Variants in ADGRG2 observed in about 807,000 individuals in gnomAD.
ADGRG2 encodes adhesion G protein-coupled receptor G2.
A neutral mutation model predicts 74.1 loss-of-function variants in ADGRG2; 26 were observed. The ratio of observed to expected loss-of-function variants is 0.35; its 90% CI spans 0.26 to 0.49. ADGRG2 has a LOEUF of 0.49. ADGRG2 is among the 20% of genes least tolerant of loss of function. The pLI, the probability that ADGRG2 is intolerant of heterozygous loss-of-function variation, is 0.99. For missense variants in ADGRG2, 619 were observed against 763.1 expected, an observed-to-expected ratio of 0.81 and a Z score of 2.22; for synonymous variants, 296 against 295.2, an observed-to-expected ratio of 1.00 and a Z score of -0.03.
rs2060092075 is a variant in ADGRG2 at position 18,999,977 on chromosome X, A to G, written c.2231-17T>C. ...CTGGTACCCCTGGAAGATGGGAAAC[A>G]TTGGTCACACCTAATTTTTTTTTTT... On this transcript the variant is annotated splice_polypyrimidine_tract_variant and intron_variant, in intron 24 of 28. Transcript: ENST00000379869. 3.4e-6 allele frequency: 3 copies of G among 894,647 alleles called. No individual in the cohort carries two copies. The highest frequency in any genetic ancestry group is 3.2e-6 in the Non-Finnish European group (2 of 619,735). 73.7% of individuals were successfully genotyped at this position (894,647 alleles called of 1,213,427 possible). A position where few individuals can be genotyped will look rare whatever the true frequency, so the allele number is the denominator to read the frequency against.
rs1437321895 is a variant in ADGRG2, at chrX:19,067,052, A to G, written c.118+1665T>C. 2.7e-5 allele frequency among the ~76,000 whole-genome samples: 3 copies of G among 112,095 alleles called. No individual in the cohort carries two copies. In the East Asian group the frequency reaches 8.5e-4, roughly 32 times the overall value. On this transcript the variant is annotated intron_variant, in intron 3 of 28. Transcript: ENST00000379869. ...AAAATAGGGTCTGGAGGCAGGGAAC[A>G]TAAGGCCGATTCACACTTCAGCTAT...
intron 1 of ADGRG2, among the ~76,000 whole-genome samples, chrX:19,093,455 G>A (rs1378849632): frequency 8.9e-6 from 1 of 111,825 alleles, no homozygotes; most frequent in East Asian, 2.8e-4. Context: ...CCTATGCGTG[G>A]ATGAACAGTG....
intron 26 of ADGRG2, 114 bp downstream of exon 26, chrX:18,998,882 G>T: frequency 1.8e-6 from 1 of 567,849 alleles, no homozygotes; most frequent in Non-Finnish European, 2.9e-6. Context: ...CTTTATTGTA[G>T]TGGTCTAGAA....
At chrX:19,071,019 C>T (rs1447170967) in intron 2 of ADGRG2, among the ~76,000 whole-genome samples, 2 of 111,170 alleles carry the variant, frequency 1.8e-5, no homozygotes, top group African/African-American at 3.3e-5. Context: ...TATTTTGCAC[C>T]TAGTATGTGC....
At position 18,991,024 on chromosome X, in the gene ADGRG2, C is replaced by G; in HGVS notation, c.2894G>C (p.Gly965Ala). Residue 965 changes from glycine (G) to alanine (A), a missense_variant, in exon 29 of 29, where the codon GGG becomes GCG. Gly to Ala is a moderately conservative substitution (Grantham distance 60). Around this residue, in one of 3 missense-constraint regions of ADGRG2, gnomAD observed 106 missense variants for 104.5 expected, o/e 1.01. Transcript: ENST00000379869. ...TCCATTCTGAACACTAAAAGAGACCCCATTCCTCTCTGTAGAAGCATTTCC... is the reference window on the plus strand; with the variant it reads ...TCCATTCTGAACACTAAAAGAGACCGCATTCCTCTCTGTAGAAGCATTTCC... ...GNGNASTERN[G>A]VSFSVQNGDV... is the part of the protein sequence containing the mutation. 8.4e-7 allele frequency: 1 copy of G among 1,188,437 alleles called. No homozygotes were observed. Among genetic ancestry groups the G allele is most frequent in the Non-Finnish European group, 1.1e-6 (1 of 880,656 alleles).
chrX:19,082,571 A>G (rs142024985), intron 2 of ADGRG2, 131 bp downstream of exon 2: 2 of 111,149 alleles, frequency 1.8e-5, no homozygotes, highest in Non-Finnish European at 3.8e-5. Flanking sequence ...AACAAAACAA[A>G]CAAAAAAGAA....
chrX:19,006,334 G>C, intron 20 of ADGRG2, 69 bp from the exon 21 acceptor site: 1 of 743,082 alleles, frequency 1.3e-6, no homozygotes, highest in Non-Finnish European at 2.0e-6. Context: ...AAAACTGAAA[G>C]GTATTTGAAA....
intron 17 of ADGRG2, 94 bp from the exon 18 acceptor site, chrX:19,009,876 T>G (rs1336623752): frequency 1.5e-6 from 1 of 682,231 alleles, no homozygotes; most frequent in African/African-American, 2.2e-5. Context: ...AGTGGCGTGA[T>G]CTCGGCTCAC....
chrX:19,085,285 A>G (rs1025476536), intron 1 of ADGRG2, among the ~76,000 whole-genome samples: 1 of 111,979 alleles, frequency 8.9e-6, no homozygotes, highest in African/African-American at 3.2e-5. Context: ...TCTGAATAAT[A>G]TATATACGAG....
chrX:19,097,894 CAAAT>C (rs1196714993), intron 1 of ADGRG2, among the ~76,000 whole-genome samples: 2 of 112,745 alleles, frequency 1.8e-5, no homozygotes, highest in Non-Finnish European at 1.9e-5. Context: ...GGCATTCAAA[CAAAT>C]AAAAACGCAA....
chrX:19,042,415 G>A (rs1275406370), intron 3 of ADGRG2, among the ~76,000 whole-genome samples: 3 of 111,061 alleles, frequency 2.7e-5, no homozygotes, highest in African/African-American at 6.6e-5. Context: ...GAGTGACGTC[G>A]AGGGGCAACA....
chrX:19,030,013 T>C (rs1033259007), intron 9 of ADGRG2, among the ~76,000 whole-genome samples: 2 of 112,533 alleles, frequency 1.8e-5, no homozygotes, highest in South Asian at 3.7e-4. Flanking sequence ...ATTCACACAA[T>C]AGAAAGTGTT....
Position 18,999,118 on chromosome X carries a change from T to A in ADGRG2, c.2492A>T (p.Asp831Val). The change falls in exon 26 of 29, where the codon GAC becomes GTC. Residue 831 changes from aspartate (D) to valine (V), a missense_variant. This residue lies in a region of ADGRG2 where 221 missense variants were observed against 340.6 expected (regional missense o/e 0.65). Coordinates refer to ENST00000379869, the MANE Select transcript of ADGRG2 (RefSeq NM_001079858.3). ...LGAQRKTSIQ[D>V]LRSIAGLTFL... The stretch of plus-strand genomic sequence containing the variant: ...TGTAAGGCCAGCGATACTCCTGAGG[T>A]CTTGAATACTGGTTTTTCGCTGGGC... 1 of 1,210,412 alleles carries A rather than the reference T, an allele frequency of 8.3e-7. No homozygotes were observed. The highest frequency in any genetic ancestry group is 1.1e-6 in the Non-Finnish European group (1 of 894,338).
intron 11 of ADGRG2, among the ~76,000 whole-genome samples, chrX:19,025,772 G>A (rs2060687850): frequency 9.1e-6 from 1 of 110,109 alleles, no homozygotes; most frequent in Non-Finnish European, 1.9e-5. Flanking sequence ...GCACATGCCT[G>A]TAATCCCAGC....
intron 1 of ADGRG2, among the ~76,000 whole-genome samples, chrX:19,112,988 CAA>C (rs756477082): frequency 0.065 from 4,603 of 71,343 alleles, 352 homozygotes; most frequent in African/African-American, 0.22. Flanking sequence ...AAAAAAAAAC[CAA>C]AAAAAAAAAA....
At chrX:19,018,879 T>G (rs1374740172) in intron 15 of ADGRG2, among the ~76,000 whole-genome samples, 1 of 111,689 alleles carries the variant, frequency 9.0e-6, no homozygotes. Flanking sequence ...GTCTTGCACT[T>G]TCACCCAGGC....
At chrX:19,112,258 G>C (rs1437880865) in intron 1 of ADGRG2, among the ~76,000 whole-genome samples, 1 of 110,123 alleles carries the variant, frequency 9.1e-6, no homozygotes, top group Non-Finnish European at 1.9e-5. Flanking sequence ...TTTCTTTGTA[G>C]AGACGGGGTC....
At chrX:19,074,340 A>G (rs2061700346) in intron 2 of ADGRG2, among the ~76,000 whole-genome samples, 1 of 69,132 alleles carries the variant, frequency 1.4e-5, no homozygotes, top group Admixed American at 1.7e-4. Context: ...CGTGGGCTCA[A>G]TTGATCCTCC....
chrX:19,028,653 TA>T (rs34651294), intron 9 of ADGRG2, among the ~76,000 whole-genome samples: 271 of 98,815 alleles, frequency 2.7e-3, no homozygotes, highest in Admixed American at 3.3e-3. Flanking sequence ...ACTGATGAGC[TA>T]AAAAAAAAAA....
Sources: allele counts gnomAD v4.1 joint callset (sites outside exome capture counted in the v4.1 genomes callset), GRCh38; gene constraint gnomAD v4.1.1; regional missense constraint gnomAD v4.1.1; transcripts MANE v1.5; gene names NCBI Gene and HGNC (gene_info 2026-07-23, HGNC 2026-07-21).